The following GUCY2F variants were observed in gnomAD, a reference collection of about 807,000 sequenced individuals.
GUCY2F encodes the protein retinal guanylyl cyclase 2.
Under a neutral mutation model 73.1 loss-of-function variants are expected in GUCY2F, and 61 were observed. The observed-to-expected ratio is 0.83, with a 90% CI of 0.68 to 1.03. The LOEUF is 1.03. Among genes scored for constraint, GUCY2F ranks in the 50% least tolerant of loss-of-function variants. GUCY2F has a pLI of 0.00. For missense variants in GUCY2F, 912 were observed against 854.3 expected, an observed-to-expected ratio of 1.07 and a Z score of -0.84; for synonymous variants, 331 against 307.8, an observed-to-expected ratio of 1.08 and a Z score of -0.79.
chrX:109,408,269 T>C, intron 9 of GUCY2F, among the ~76,000 whole-genome samples: 1 of 112,142 alleles, frequency 8.9e-6, no homozygotes, highest in Admixed American at 9.4e-5. Flanking sequence ...TGTAACCCCT[T>C]GGTATTGGCC....
At chrX:109,379,434 A>G (rs1248271818) in intron 17 of GUCY2F, among the ~76,000 whole-genome samples, 1 of 112,701 alleles carries the variant, frequency 8.9e-6, no homozygotes, top group East Asian at 2.8e-4. Flanking sequence ...AACTAGTTTG[A>G]TTGAATTATT....
rs1203574815 is a variant in GUCY2F at position 109,453,765 on chromosome X, G to T, written c.1127C>A (p.Ala376Asp). The change falls in exon 4 of 20, where the codon GCC (alanine) becomes GAC (aspartate). Residue 376 changes from alanine (A) to aspartate (D), a missense_variant. Physicochemically the swap from Ala to Asp is moderately radical, Grantham distance 126. Coordinates refer to ENST00000218006, the MANE Select transcript of GUCY2F (RefSeq NM_001522.3). ...GTTTCTGGAATGCTGAACCAGGCTG[G>T]CAGCACCAGCCTGTCCATTTTCTTT... ...AMKENGQAGA[A>D]SLVQHSRNMQ... is the part of the protein sequence containing the mutation. 8.3e-7 allele frequency: 1 copy of T among 1,202,236 alleles called. No individual in the cohort carries two copies. Among genetic ancestry groups the T allele is most frequent in the Admixed American group, 2.2e-5 (1 of 45,977 alleles).
rs1475081582 is a variant in GUCY2F at position 109,409,931 on chromosome X, A to G, written c.1792-763T>C. On this transcript the variant is annotated intron_variant, in intron 8 of 19. Transcript: ENST00000218006. The stretch of plus-strand genomic sequence containing the variant: ...TTATTAGCAGCATGATAACGGACTA[A>G]TACATTGATCCTATGACCCCACTGA... Among the ~76,000 whole-genome samples the G allele has an allele frequency of 2.7e-5, 3 of 111,296 alleles. No homozygotes were observed. The East Asian group carries it at 8.4e-4, about 31-fold the overall frequency.
intron 8 of GUCY2F, among the ~76,000 whole-genome samples, chrX:109,423,719 A>G (rs939627920): frequency 1.8e-5 from 2 of 108,894 alleles, no homozygotes; most frequent in African/African-American, 6.7e-5. Context: ...TAAAAAAAAA[A>G]AAGAAAAATT....
At chrX:109,460,960 C>T (rs940062477) in intron 3 of GUCY2F, among the ~76,000 whole-genome samples, 2 of 111,362 alleles carry the variant, frequency 1.8e-5, no homozygotes, top group Non-Finnish European at 3.8e-5. Context: ...TTATTAACCC[C>T]GGTAAAAATG....
chrX:109,388,405 G>A (rs1484449804), intron 15 of GUCY2F, 84 bp downstream of exon 15: 12 of 754,535 alleles, frequency 1.6e-5, no homozygotes, highest in Non-Finnish European at 2.2e-5. Context: ...CCAGGAATCA[G>A]GGGAGAGCTA....
rs1416978041 is a variant in GUCY2F at position 109,453,563 on chromosome X, G to T, written c.1329C>A (p.Gly443=). The change falls in exon 4 of 20, where the codon GGC becomes GGA. Residue 443 remains glycine (G), a synonymous_variant. Coordinates refer to ENST00000218006, the MANE Select transcript of GUCY2F (RefSeq NM_001522.3). ...ATTTTGCATCTGCTCTAGGGGGCCT[G>T]CCACCAGGGAAGTGAATAGGGGTCC... ...FGGTPIHFPG[G]RPPRADAKCW... 8 of 1,209,826 alleles carry T rather than the reference G, an allele frequency of 6.6e-6. No homozygotes were observed. The highest frequency in any genetic ancestry group is 7.8e-6 in the Non-Finnish European group (7 of 893,880).
intron 7 of GUCY2F, among the ~76,000 whole-genome samples, chrX:109,434,484 A>C (rs1931688809): frequency 9.1e-6 from 1 of 109,629 alleles, no homozygotes; most frequent in African/African-American, 3.3e-5. Context: ...CTTTTGCTAT[A>C]TCTGCTACTC....
intron 8 of GUCY2F, among the ~76,000 whole-genome samples, chrX:109,417,533 A>C: frequency 9.0e-6 from 1 of 111,596 alleles, no homozygotes; most frequent in Non-Finnish European, 1.9e-5. Flanking sequence ...TATATGAAAA[A>C]CACTTTTATC....
intron 8 of GUCY2F, among the ~76,000 whole-genome samples, chrX:109,421,976 G>A (rs1257328334): frequency 1.8e-5 from 2 of 111,215 alleles, no homozygotes; most frequent in Non-Finnish European, 3.8e-5. Context: ...AAGAAGACAG[G>A]CACAAGACAC....
chrX:109,474,927 A>G lies in GUCY2F; in HGVS notation c.730+280T>C, dbSNP rs898548709. ...GGGCAGAAAGAAAGGATGTATGGCTACAGTGCTCTTGACACCATTCTTCAC... is the reference window on the plus strand; with the variant it reads ...GGGCAGAAAGAAAGGATGTATGGCTGCAGTGCTCTTGACACCATTCTTCAC... On this transcript the variant is annotated intron_variant, in intron 2 of 19. Coordinates refer to ENST00000218006, the MANE Select transcript of GUCY2F (RefSeq NM_001522.3). Among the ~76,000 whole-genome samples the G allele has an allele frequency of 1.7e-4, 19 of 112,357 alleles. No individual in the cohort carries two copies. The Admixed American group carries it at 1.7e-3, about 10-fold the overall frequency.
chrX:109,407,888 G>A (rs941013939), intron 9 of GUCY2F, among the ~76,000 whole-genome samples: 2 of 113,169 alleles, frequency 1.8e-5, no homozygotes, highest in African/African-American at 6.4e-5. Context: ...AAAGTTTGCT[G>A]CAGGAGCAGG....
rs763714024 is a variant in GUCY2F, at chrX:109,381,305, G to A, written c.3150+813C>T. Among the ~76,000 whole-genome samples, 135 of 111,887 alleles carry A rather than the reference G, an allele frequency of 1.2e-3. 1 individual carries two copies. The highest frequency in any genetic ancestry group is 4.3e-3 in the African/African-American group (131 of 30,819). On this transcript the variant is annotated intron_variant, in intron 17 of 19. Coordinates refer to ENST00000218006, the MANE Select transcript of GUCY2F (RefSeq NM_001522.3). ...TTATGCAGCATGGTGTCATGGAAAG[G>A]TCACTAAAAAGGAAGTCAGGCTTCC...
At chrX:109,425,072 G>A (rs763712995) in intron 8 of GUCY2F, among the ~76,000 whole-genome samples, 1 of 111,814 alleles carries the variant, frequency 8.9e-6, no homozygotes, top group African/African-American at 3.2e-5. Flanking sequence ...CAGCTGAACA[G>A]GGAACACTTC....
Position 109,475,995 on chromosome X carries a change from G to A in GUCY2F, c.-59C>T, listed in dbSNP as rs1932687718. On this transcript the variant is annotated 5_prime_UTR_variant, in exon 2 of 20. Transcript: ENST00000218006. ...TACTGGAGAGTTATTCTGCTTTCCC[G>A]ACACAGACGGTGGTGTTTCCAAATG... 1.9e-6 allele frequency: 2 copies of A among 1,043,672 alleles called. No individual in the cohort carries two copies. Among genetic ancestry groups the A allele is most frequent in the Non-Finnish European group, 1.3e-6 (1 of 778,249 alleles). The allele number at this position is 1,043,672 out of a possible 1,213,427, so 86.0% of individuals were successfully genotyped here.
chrX:109,394,367 A>G (rs1930652381), intron 12 of GUCY2F, among the ~76,000 whole-genome samples: 2 of 112,112 alleles, frequency 1.8e-5, no homozygotes, highest in African/African-American at 3.2e-5. Flanking sequence ...CCTCTTCCAT[A>G]CTATTGAACA....
At chrX:109,418,669 C>T (rs927206001) in intron 8 of GUCY2F, among the ~76,000 whole-genome samples, 1 of 109,645 alleles carries the variant, frequency 9.1e-6, no homozygotes, top group African/African-American at 3.3e-5. Context: ...GTAAATATGT[C>T]GCTTAAATTA....
chrX:109,434,182 T>C (rs1259245975), intron 7 of GUCY2F, among the ~76,000 whole-genome samples: 1 of 109,347 alleles, frequency 9.1e-6, no homozygotes, highest in East Asian at 2.9e-4. Flanking sequence ...GGAAGATGAA[T>C]TCAGTGGGTT....
At chrX:109,444,229 G>T (rs1393982710) in intron 6 of GUCY2F, among the ~76,000 whole-genome samples, 1 of 112,281 alleles carries the variant, frequency 8.9e-6, no homozygotes, top group Non-Finnish European at 1.9e-5. Context: ...AAGATCTGAT[G>T]ATTTAAATAA....
Sources: gnomAD v4.1 joint callset for allele counts (sites outside exome capture counted in the v4.1 genomes callset) on GRCh38, gnomAD v4.1.1 for gene constraint, MANE v1.5 for transcripts, NCBI Gene and HGNC (gene_info 2026-07-23, HGNC 2026-07-21) for gene names.